The following TMEM229B variants were observed in gnomAD, a reference collection of about 807,000 sequenced individuals.
TMEM229B encodes chromosome 14 open reading frame 83.
In TMEM229B, 6 loss-of-function variants were observed where a neutral mutation model predicts 13.7. That is an observed-to-expected ratio of 0.44 (90% CI 0.24 to 0.86). The LOEUF (loss-of-function observed/expected upper bound fraction) is 0.86. TMEM229B is among the 40% of genes least tolerant of loss of function. The probability of loss-of-function intolerance (pLI) is 0.23; values close to 1 mark genes in which losing one functional copy is unlikely to be tolerated. For missense variants in TMEM229B, 170 were observed against 236.0 expected (o/e 0.72, Z 1.83); for synonymous variants, 107 against 102.1 (o/e 1.05, Z -0.29).
At chr14:67,483,310 C>T (rs927342738) in intron 2 of TMEM229B, among the ~76,000 whole-genome samples, 2 of 152,174 alleles carry the variant, frequency 1.3e-5, no homozygotes, top group Admixed American at 6.5e-5. Context: ...CACACCTGGC[C>T]GAGCCTACAT....
chr14:67,515,307 TC>T, exon 1 of TMEM229B: 1 of 153,446 alleles, frequency 6.5e-6, no homozygotes, highest in African/African-American at 2.4e-5. Context: ...CGCCTGGCAC[TC>T]CCGCGCCGCG....
chr14:67,514,336 A>G (rs1177782926), intron 1 of TMEM229B, among the ~76,000 whole-genome samples: 1 of 152,140 alleles, frequency 6.6e-6, no homozygotes, highest in Non-Finnish European at 1.5e-5. Context: ...GATACCTGGG[A>G]AAGAGGCCAA....
At chr14:67,476,315 A>G (rs534896917) in intron 2 of TMEM229B, among the ~76,000 whole-genome samples, 2 of 152,354 alleles carry the variant, frequency 1.3e-5, no homozygotes, top group East Asian at 3.9e-4. Flanking sequence ...GGCTGGGCGC[A>G]GTGGCTCACA....
At chr14:67,501,772 T>G (rs2032620878) in intron 1 of TMEM229B, among the ~76,000 whole-genome samples, 1 of 152,186 alleles carries the variant, frequency 6.6e-6, no homozygotes. Flanking sequence ...CTAAAGATTT[T>G]TTAAAAGGTA....
In TMEM229B at chr14:67,473,964, A is replaced by T; in HGVS notation, c.-18-23T>A. The T allele has an allele frequency of 1.3e-6, 2 of 1,559,712 alleles. No homozygotes were observed. The highest frequency in any genetic ancestry group is 1.4e-5 in the African/African-American group (1 of 73,720). ...TGGCTGCGGGGGGCGCAAGAGAGAC[A>T]GGTGAGGGCCGGGCGCGGTGGCTCA... On this transcript the variant is annotated intron_variant, in intron 2 of 2. Coordinates refer to ENST00000554480, the MANE Select transcript of TMEM229B (RefSeq NM_001348543.2). The surrounding 1 kb of genome is among the most constrained non-coding windows in gnomAD (Gnocchi z 6.5).
chr14:67,473,790 G>C lies in TMEM229B; in HGVS notation c.134C>G (p.Thr45Arg). Residue 45 changes from threonine to arginine, a missense_variant, in exon 3 of 3, where the codon ACG becomes AGG. Physicochemically the swap from Thr to Arg is moderately conservative, Grantham distance 71. Transcript: ENST00000554480. This position sits in a 1 kb window ranked among gnomAD's most constrained non-coding sequence, Gnocchi z 6.5. ...VNLNWKFPGV[T>R]SVWALFIYGT... ...GTAGATGAAGAGGGCCCACACGCTC[G>C]TGACCCCAGGGAACTTCCAGTTCAA... is the stretch of plus-strand genomic sequence containing the variant. 6.2e-7 allele frequency: 1 copy of C among 1,613,938 alleles called. No individual in the cohort carries two copies. The highest frequency in any genetic ancestry group is 8.5e-7 in the Non-Finnish European group (1 of 1,179,950).
chr14:67,518,615 G>A (rs1980614), upstream of TMEM229B, among the ~76,000 whole-genome samples: 63,532 of 152,072 alleles, frequency 0.42, 13,854 homozygotes, highest in East Asian at 0.49. Context: ...GAACATGTTA[G>A]GTCCTTAGAC....
At chr14:67,475,527 A>G (rs537668182) in intron 2 of TMEM229B, among the ~76,000 whole-genome samples, 1 of 152,250 alleles carries the variant, frequency 6.6e-6, no homozygotes, top group Non-Finnish European at 1.5e-5. Flanking sequence ...AAGGGTTCCA[A>G]TTTCTCCACA....
chr14:67,506,610 G>A (rs559642406), intron 1 of TMEM229B, among the ~76,000 whole-genome samples: 1 of 152,188 alleles, frequency 6.6e-6, no homozygotes, highest in African/African-American at 2.4e-5. Flanking sequence ...GGTGGGTTCA[G>A]TGGGAACTCA....
chr14:67,491,439 G>A (rs941490496), upstream of TMEM229B, among the ~76,000 whole-genome samples: 3 of 152,146 alleles, frequency 2.0e-5, no homozygotes, highest in African/African-American at 7.2e-5. Context: ...AGGCTGTCTA[G>A]CCCCTCCACC....
chr14:67,512,648 G>C (rs2033065873), intron 1 of TMEM229B, among the ~76,000 whole-genome samples: 1 of 152,102 alleles, frequency 6.6e-6, no homozygotes, highest in Admixed American at 6.6e-5. Context: ...TTGCCGATAA[G>C]ACCAAGCTGC....
rs534416051 is a variant in TMEM229B at position 67,504,123 on chromosome 14, C to T, written c.-192+10963G>A. ...CTGCCTCCTGGGTTCAAGCGATTCT[C>T]CTGCCTCAACCTCCTGAGTAGCTGG... On this transcript the variant is annotated intron_variant, in intron 1 of 2. Coordinates refer to the TMEM229B transcript ENST00000357461. Among the ~76,000 whole-genome samples, 187 of 152,272 alleles carry T rather than the reference C, an allele frequency of 1.2e-3. 1 individual carries two copies. Among genetic ancestry groups the T allele is most frequent in the Non-Finnish European group, 1.9e-3 (127 of 68,028 alleles).
intron 1 of TMEM229B, among the ~76,000 whole-genome samples, chr14:67,503,093 C>T (rs17249153): frequency 0.043 from 6,617 of 152,158 alleles, 186 homozygotes; most frequent in East Asian, 0.092. Context: ...CAGATAGTGG[C>T]GCTGCACGGA....
At chr14:67,502,456 C>CTTT (rs71129827) in intron 1 of TMEM229B, among the ~76,000 whole-genome samples, 11,169 of 137,562 alleles carry the variant, frequency 0.081, 541 homozygotes, top group Middle Eastern at 0.11. Context: ...AAGGTGATTT[C>CTTT]TTTTTTTTTT....
rs186583877 is a variant in TMEM229B at position 67,500,863 on chromosome 14, G to T, written c.-191-13691C>A. ...TAGGATTACAGGCATGAGCCACCGC[G>T]CCTGGCCTGGATATTTTTTAAAGTT... On this transcript the variant is annotated intron_variant, in intron 1 of 2. Transcript: ENST00000357461. 5.5e-3 allele frequency among the ~76,000 whole-genome samples: 828 copies of T among 151,796 alleles called. 4 individuals carry two copies. The highest frequency in any genetic ancestry group is 0.02 in the Middle Eastern group (6 of 294).
rs1047157861 is a variant in TMEM229B at position 67,470,588 on chromosome 14, G to A, written c.*2832C>T. On this transcript the variant is annotated 3_prime_UTR_variant, in exon 3 of 3. Transcript: ENST00000554480. ...GGGCTTCATAAATGCAGGTTCTCAT[G>A]AACTGACCCACTCAGCAGCTGCCTC... 3.9e-5 allele frequency: 6 copies of A among 152,964 alleles called. No homozygotes were observed. Among genetic ancestry groups the A allele is most frequent in the South Asian group, 2.1e-4 (1 of 4,830 alleles). The allele number at this position is 152,964 out of a possible 1,614,324, so 9.5% of individuals were successfully genotyped here. A position where few individuals can be genotyped will look rare whatever the true frequency, so the allele number is the denominator to read the frequency against.
At chr14:67,532,979 G>A (rs1179357176) in intron 1 of TMEM229B, among the ~76,000 whole-genome samples, 2 of 152,102 alleles carry the variant, frequency 1.3e-5, no homozygotes, top group Non-Finnish European at 2.9e-5. Context: ...GCTCCGGGCC[G>A]GCGCCCGGGA....
chr14:67,496,391 G>GTTTTTTTT (rs555715850), intron 1 of TMEM229B, among the ~76,000 whole-genome samples: 1,023 of 30,112 alleles, frequency 0.034, 415 homozygotes, highest in East Asian at 0.071. Flanking sequence ...CTGCTCCGGC[G>GTTTTTTTT]TTTTTTTTTT....
chr14:67,497,794 T>G (rs1358132956), intron 1 of TMEM229B, among the ~76,000 whole-genome samples: 1 of 151,944 alleles, frequency 6.6e-6, no homozygotes, highest in Non-Finnish European at 1.5e-5. Context: ...TCTCCTGGTA[T>G]TTGAGTCACC....
Sources: allele counts gnomAD v4.1 joint callset (sites outside exome capture counted in the v4.1 genomes callset), GRCh38; gene constraint gnomAD v4.1.1; non-coding constraint Gnocchi (gnomAD v3.1); transcripts MANE v1.5; gene names NCBI Gene and HGNC (gene_info 2026-07-23, HGNC 2026-07-21).